Variants in SLC7A8 observed in about 807,000 individuals in gnomAD.
The protein encoded by SLC7A8 is solute carrier family 7 member 8, also known as large neutral amino acids transporter small subunit 2.
SLC7A8 carries 30 observed loss-of-function variants against 51.2 expected under a neutral mutation model. That is an observed-to-expected ratio of 0.59 (90% confidence interval 0.44 to 0.80). SLC7A8 has a LOEUF of 0.80. Among genes scored for constraint, SLC7A8 ranks in the 30% least tolerant of loss-of-function variants. The pLI is 0.00. For synonymous variants in SLC7A8, 257 were observed against 275.8 expected, an observed-to-expected ratio of 0.93 and a Z score of 0.67; for missense variants, 612 against 674.4, an observed-to-expected ratio of 0.91 and a Z score of 1.03.
At position 23,139,463 on chromosome 14, in the gene SLC7A8, C is replaced by T. The variant is rs141119454; in HGVS notation, c.873G>A (p.Met291Ile). Reference sequence around the variant, plus strand: ...TGGATGCCAGCAGCTCCTGGGGGGACATTGCAGTGACATAAGCGACATTGG... The same window carrying T: ...TGGATGCCAGCAGCTCCTGGGGGGATATTGCAGTGACATAAGCGACATTGG... ...VFANVAYVTAMSPQELLASNA... is the reference protein window; with the variant it reads ...VFANVAYVTAISPQELLASNA... The change falls in exon 6 of 11, where the codon ATG (methionine) becomes ATA (isoleucine). Residue 291 changes from methionine (M) to isoleucine (I), a missense_variant. By Grantham distance (10) the Met-to-Ile change is conservative (BLOSUM62 1). Coordinates refer to ENST00000316902, the MANE Select transcript of SLC7A8 (RefSeq NM_012244.4). The T allele has an allele frequency of 4.7e-4, 755 of 1,613,996 alleles. 1 individual carries two copies. The highest frequency in any genetic ancestry group is 6.0e-4 in the Non-Finnish European group (705 of 1,180,018).
chr14:23,140,628 T>C lies in SLC7A8; in HGVS notation c.635-4A>G. On this transcript the variant is annotated splice_polypyrimidine_tract_variant and splice_region_variant and intron_variant, in intron 4 of 10. Transcript: ENST00000316902. The stretch of plus-strand genomic sequence containing the variant: ...GGCTCCAGCCAGAAGTACTCTCCTG[T>C]GGACACAAGCAACAGGAGGCCGCTC... 1 of 1,609,550 alleles carries C rather than the reference T, an allele frequency of 6.2e-7. No individual in the cohort carries two copies. The highest frequency in any genetic ancestry group is 1.3e-5 in the African/African-American group (1 of 74,962).
At chr14:23,134,245 T>A (rs557195866) in intron 7 of SLC7A8, among the ~76,000 whole-genome samples, 1 of 151,918 alleles carries the variant, frequency 6.6e-6, no homozygotes, top group African/African-American at 2.4e-5. Context: ...AAATGCAGCC[T>A]GGGCAACATG....
At chr14:23,140,660 A>G (rs755374688) in intron 4 of SLC7A8, 36 bp from the exon 5 acceptor site, 13 of 1,591,742 alleles carry the variant, frequency 8.2e-6, no homozygotes, top group Admixed American at 5.1e-5. Flanking sequence ...GCTCAGTGAG[A>G]CAAGTCAGGG....
At chr14:23,136,685 GCATGCACACACGACTAGACCA>G (rs1339559043) in intron 7 of SLC7A8, among the ~76,000 whole-genome samples, 1 of 152,200 alleles carries the variant, frequency 6.6e-6, no homozygotes, top group Admixed American at 6.5e-5. Context: ...ACCGTTTCCT[GCATGCACACACGACTAGACCA>G]CATGCACGCA....
chr14:23,137,097 G>A (rs1566358715), intron 7 of SLC7A8, among the ~76,000 whole-genome samples: 2 of 152,192 alleles, frequency 1.3e-5, no homozygotes, highest in African/African-American at 2.4e-5. Context: ...AACCTGGGAG[G>A]ATCCCTTGAA....
intron 1 of SLC7A8, among the ~76,000 whole-genome samples, chr14:23,180,072 A>T (rs543808831): frequency 1.3e-5 from 2 of 151,718 alleles, no homozygotes; most frequent in African/African-American, 4.8e-5. Context: ...CGCCCGGCTA[A>T]TTTTTTGTAT....
chr14:23,175,027 G>A (rs1378008711), intron 1 of SLC7A8, among the ~76,000 whole-genome samples: 2 of 152,160 alleles, frequency 1.3e-5, no homozygotes, highest in Non-Finnish European at 2.9e-5. Flanking sequence ...TTCTTTGAAG[G>A]CAGCTGTGCT....
rs566297509 is a variant in SLC7A8, at chr14:23,132,534, T to C, written c.1017-977A>G. Among the ~76,000 whole-genome samples, 101 of 151,730 alleles carry C rather than the reference T, an allele frequency of 6.7e-4. 1 individual carries two copies. The Middle Eastern group carries it at 0.014, about 21-fold the overall frequency. On this transcript the variant is annotated intron_variant, in intron 7 of 10. Transcript: ENST00000316902. ...AAGTTCAAAGCCAGCCTAGGCAACA[T>C]AGTGAGACTCTGCCTCTAAAAAACA...
In SLC7A8 at chr14:23,127,025, TACAA is replaced by T; in HGVS notation, c.*148_*151del. 2 of 942,752 alleles carry T rather than the reference TACAA, an allele frequency of 2.1e-6. No homozygotes were observed. The highest frequency in any genetic ancestry group is 1.7e-5 in the South Asian group (1 of 60,476). 58.4% of individuals were successfully genotyped at this position (942,752 alleles called of 1,614,324 possible). On this transcript the variant is annotated 3_prime_UTR_variant, in exon 11 of 11. Coordinates refer to ENST00000316902, the MANE Select transcript of SLC7A8 (RefSeq NM_012244.4). ...TTGGGTATGAATGTCAGTTTTTGTT[TACAA>T]TTTCTCACCACCCACACCAAAGTCC... is the stretch of plus-strand genomic sequence containing the variant.
chr14:23,137,876 C>T (rs2048705084), intron 7 of SLC7A8, 45 bp downstream of exon 7: 1 of 1,605,260 alleles, frequency 6.2e-7, no homozygotes, highest in African/African-American at 1.3e-5. Context: ...GCAAAGTGCA[C>T]AGCAGAGTGG....
At chr14:23,127,764 G>C (rs2140298689) in intron 10 of SLC7A8, among the ~76,000 whole-genome samples, 1 of 152,330 alleles carries the variant, frequency 6.6e-6, no homozygotes, top group Non-Finnish European at 1.5e-5. Context: ...TTACAGGCGT[G>C]AGCCACTGTG....
chr14:23,139,380 T>C (rs1412568474), intron 6 of SLC7A8, 44 bp downstream of exon 6: 2 of 1,612,762 alleles, frequency 1.2e-6, no homozygotes, highest in African/African-American at 1.3e-5. Context: ...GGCAAGTCTA[T>C]GTCTGCATTC....
rs558980605 is a variant in SLC7A8, at chr14:23,133,355, C to T, written c.1017-1798G>A. Among the ~76,000 whole-genome samples the T allele has an allele frequency of 2.2e-3, 328 of 146,570 alleles. 1 individual carries two copies. The highest frequency in any genetic ancestry group is 7.5e-3 in the African/African-American group (296 of 39,444). On this transcript the variant is annotated intron_variant, in intron 7 of 10. Transcript: ENST00000316902. ...ACTCGGGAGGCTGAGGTGACAGGATCACATGAGCCTGGGAGGCTGAGGCTG... is the reference window on the plus strand; with the variant it reads ...ACTCGGGAGGCTGAGGTGACAGGATTACATGAGCCTGGGAGGCTGAGGCTG...
At chr14:23,131,607 GC>G (rs761640675) in intron 7 of SLC7A8, 50 bp from the exon 8 acceptor site, 1 of 1,437,946 alleles carries the variant, frequency 7.0e-7, no homozygotes, top group Non-Finnish European at 9.4e-7. Flanking sequence ...GGACCACCAA[GC>G]CCCAGCTCCT....
Position 23,166,439 on chromosome 14 carries a change from T to C in SLC7A8, c.253A>G (p.Ile85Val), listed in dbSNP as rs755652882. The stretch of plus-strand genomic sequence containing the variant: ...TAGCAGAGGGCTCCCACAACTGTGA[T>C]GAAGCCCGTCACAATCCAGACGATG... ...ALIVWIVTGF[I>V]TVVGALCYAE... The change falls in exon 2 of 11, where the codon ATC (isoleucine) becomes GTC (valine). Residue 85 changes from isoleucine (I) to valine (V), a missense_variant. Transcript: ENST00000316902. 6.8e-6 allele frequency: 11 copies of C among 1,614,042 alleles called. No individual in the cohort carries two copies. The highest frequency in any genetic ancestry group is 9.3e-6 in the Non-Finnish European group (11 of 1,180,038).
chr14:23,155,475 C>G, intron 3 of SLC7A8: 2 of 1,413,412 alleles, frequency 1.4e-6, no homozygotes, highest in Non-Finnish European at 1.8e-6. Context: ...TTTAGCTCAG[C>G]CAAGAGGCAG....
At position 23,137,986 on chromosome 14, in the gene SLC7A8, G is replaced by T. The variant is rs752021614; in HGVS notation, c.951C>A (p.Ile317=). Reference sequence around the variant, plus strand: ...TGGACAGGGCAACAGAAATGGGCATGATCCAGGCCATGACTCCTAGGAGCT... The same window carrying T: ...TGGACAGGGCAACAGAAATGGGCATTATCCAGGCCATGACTCCTAGGAGCT... ...GEKLLGVMAW[I]MPISVALSTF... The change falls in exon 7 of 11, where the codon ATC becomes ATA. Residue 317 remains isoleucine (I), a synonymous_variant. Transcript: ENST00000316902. The T allele has an allele frequency of 6.2e-7, 1 of 1,614,022 alleles. No individual in the cohort carries two copies. The highest frequency in any genetic ancestry group is 8.5e-7 in the Non-Finnish European group (1 of 1,180,012).
intron 8 of SLC7A8, among the ~76,000 whole-genome samples, chr14:23,131,040 G>A (rs531373741): frequency 1.7e-4 from 26 of 152,326 alleles, no homozygotes; most frequent in African/African-American, 6.3e-4. Flanking sequence ...CCAAGAGACT[G>A]GCAGGCTGCC....
chr14:23,132,281 C>T (rs1332063277), intron 7 of SLC7A8, among the ~76,000 whole-genome samples: 37 of 152,034 alleles, frequency 2.4e-4, no homozygotes, highest in Non-Finnish European at 2.9e-5. Flanking sequence ...GGACTACAGG[C>T]GTGAGCCACC....
Sources: allele counts gnomAD v4.1 joint callset (sites outside exome capture counted in the v4.1 genomes callset), GRCh38; gene constraint gnomAD v4.1.1; transcripts MANE v1.5; gene names NCBI Gene and HGNC (gene_info 2026-07-23, HGNC 2026-07-21).